The following SDK1 variants were observed in gnomAD, a reference collection of about 807,000 sequenced individuals.
SDK1 encodes the protein protein sidekick-1.
A neutral mutation model predicts 245.5 loss-of-function variants in SDK1; 157 were observed. The ratio of observed to expected loss-of-function variants is 0.64; its 90% CI spans 0.56 to 0.73. The LOEUF (loss-of-function observed/expected upper bound fraction) is 0.73. Among genes scored for constraint, SDK1 ranks in the 30% least tolerant of loss-of-function variants. The pLI is 0.00. For missense variants in SDK1, 3,583 were observed against 3,002.3 expected (o/e 1.19, Z -4.52); for synonymous variants, 1,647 against 1,278.5 (o/e 1.29, Z -6.15).
At chr7:4,000,947 G>T (rs1383016387) in intron 14 of SDK1, among the ~76,000 whole-genome samples, 1 of 152,192 alleles carries the variant, frequency 6.6e-6, no homozygotes, top group Non-Finnish European at 1.5e-5. Context: ...TGGGGGCCCA[G>T]AGGGGGCTGA....
chr7:3,550,581 C>G (rs918877073), intron 1 of SDK1, among the ~76,000 whole-genome samples: 7 of 152,170 alleles, frequency 4.6e-5, no homozygotes, highest in African/African-American at 1.7e-4. Context: ...ATCTTTGGTT[C>G]CTCTCCATCC....
Position 3,377,904 on chromosome 7 carries a change from G to A in SDK1, c.298+76020G>A, listed in dbSNP as rs193197902. The stretch of plus-strand genomic sequence containing the variant: ...AGCAATTCTCCTGCGTCAGCCTCCC[G>A]AGTAGCTGGGATTACAGGTGCACGC... On this transcript the variant is annotated intron_variant, in intron 1 of 44. Transcript: ENST00000404826. Among the ~76,000 whole-genome samples the A allele has an allele frequency of 2.7e-3, 403 of 152,072 alleles. 4 individuals carry two copies. Among genetic ancestry groups the A allele is most frequent in the Middle Eastern group, 0.02 (6 of 294 alleles).
intron 22 of SDK1, among the ~76,000 whole-genome samples, chr7:4,086,614 C>G (rs1002447445): frequency 3.9e-5 from 6 of 152,214 alleles, no homozygotes; most frequent in East Asian, 3.9e-4. Flanking sequence ...GACTCTGGCT[C>G]TTTCCTCCTC....
At chr7:3,394,045 C>A (rs1032609066) in intron 1 of SDK1, among the ~76,000 whole-genome samples, 4 of 152,126 alleles carry the variant, frequency 2.6e-5, no homozygotes, top group Non-Finnish European at 4.4e-5. Flanking sequence ...AGGGGGCACC[C>A]TAAGGCCAGT....
At chr7:4,128,641 T>C (rs1584228587) in intron 26 of SDK1, among the ~76,000 whole-genome samples, 1 of 128,970 alleles carries the variant, frequency 7.8e-6, no homozygotes, top group African/African-American at 3.0e-5. Flanking sequence ...TTGGGTGCCC[T>C]GGAATAGAGC....
At chr7:4,082,353 T>C (rs1320971918) in intron 22 of SDK1, among the ~76,000 whole-genome samples, 1 of 151,896 alleles carries the variant, frequency 6.6e-6, no homozygotes, top group East Asian at 1.9e-4. Flanking sequence ...CTGGCCAACA[T>C]GTGAAACCCC....
intron 17 of SDK1, among the ~76,000 whole-genome samples, chr7:4,032,351 A>T (rs1787881746): frequency 6.6e-6 from 1 of 152,222 alleles, no homozygotes; most frequent in Admixed American, 6.5e-5. Context: ...TTGATACGGT[A>T]AACTGTGCAT....
chr7:3,950,879 C>T (rs760045874), intron 5 of SDK1, 44 bp from the exon 6 acceptor site: 1 of 1,490,866 alleles, frequency 6.7e-7, no homozygotes, highest in Non-Finnish European at 9.2e-7. Context: ...GGGGGTGCTC[C>T]TGTACTTAGA....
intron 17 of SDK1, among the ~76,000 whole-genome samples, chr7:4,031,108 C>G (rs1202168978): frequency 1.3e-5 from 2 of 152,062 alleles, no homozygotes; most frequent in African/African-American, 4.8e-5. Flanking sequence ...TGCATGTGGA[C>G]ACGTATATAT....
chr7:4,139,695 G>GTTTGTT (rs1429964432), intron 28 of SDK1, among the ~76,000 whole-genome samples: 1 of 58,400 alleles, frequency 1.7e-5, no homozygotes, highest in African/African-American at 5.4e-5. Context: ...GTGTGTATGT[G>GTTTGTT]TGTGTGTGTA....
intron 1 of SDK1, among the ~76,000 whole-genome samples, chr7:3,370,956 C>G (rs1056198889): frequency 1.3e-5 from 2 of 152,076 alleles, no homozygotes; most frequent in African/African-American, 4.8e-5. Context: ...ACATGCAGCC[C>G]CGCAGCAGGA....
chr7:4,268,586 T>C lies in SDK1; in HGVS notation c.*3202T>C. The C allele has an allele frequency of 7.4e-7, 1 of 1,358,274 alleles. No homozygotes were observed. The highest frequency in any genetic ancestry group is 9.8e-7 in the Non-Finnish European group (1 of 1,016,622). The allele number at this position is 1,358,274 out of a possible 1,614,324, so 84.1% of individuals were successfully genotyped here. On this transcript the variant is annotated 3_prime_UTR_variant, in exon 45 of 45. Coordinates refer to ENST00000404826, the MANE Select transcript of SDK1 (RefSeq NM_152744.4). Reference sequence around the variant, plus strand: ...ACTCTGTACAGGTCTTCGGAGGCCGTGTTTGTATCTAACTGTGACTGGGCT... The same window carrying C: ...ACTCTGTACAGGTCTTCGGAGGCCGCGTTTGTATCTAACTGTGACTGGGCT...
chr7:3,923,405 C>A (rs1047454240), intron 5 of SDK1, among the ~76,000 whole-genome samples: 1 of 152,162 alleles, frequency 6.6e-6, no homozygotes, highest in Non-Finnish European at 1.5e-5. Flanking sequence ...TGTTACGGGG[C>A]TAAAGGAATT....
At chr7:3,431,286 A>G (rs1779837395) in intron 1 of SDK1, among the ~76,000 whole-genome samples, 1 of 151,586 alleles carries the variant, frequency 6.6e-6, no homozygotes, top group Admixed American at 6.6e-5. Context: ...GTACCCCCAG[A>G]TCATAAAGTG....
chr7:4,170,440 C>A (rs144088137), intron 32 of SDK1, among the ~76,000 whole-genome samples: 4,011 of 151,902 alleles, frequency 0.026, 76 homozygotes, highest in Middle Eastern at 0.048. Flanking sequence ...GGGTGAGATC[C>A]TGTCTCAAAA....
intron 4 of SDK1, among the ~76,000 whole-genome samples, chr7:3,812,920 A>G (rs535721076): frequency 2.6e-5 from 4 of 152,140 alleles, no homozygotes; most frequent in Non-Finnish European, 4.4e-5. Context: ...AAATCACGAG[A>G]AACAGGTTTC....
At chr7:3,834,004 C>T (rs1024868571) in intron 5 of SDK1, among the ~76,000 whole-genome samples, 1 of 152,194 alleles carries the variant, frequency 6.6e-6, no homozygotes, top group Non-Finnish European at 1.5e-5. Context: ...AATATCATCT[C>T]AACCTGGAAG....
At chr7:3,808,079 A>G in intron 4 of SDK1, among the ~76,000 whole-genome samples, 1 of 152,144 alleles carries the variant, frequency 6.6e-6, no homozygotes, top group Middle Eastern at 3.2e-3. Flanking sequence ...TCATCTCTGG[A>G]TCCAAACCTT....
chr7:3,917,435 TCCCCAA>T (rs2128111344), intron 5 of SDK1, among the ~76,000 whole-genome samples: 1 of 152,162 alleles, frequency 6.6e-6, no homozygotes, highest in South Asian at 2.1e-4. Flanking sequence ...TGTGACAGAT[TCCCCAA>T]GACACGGGCT....
Sources: gnomAD v4.1 joint callset for allele counts (sites outside exome capture counted in the v4.1 genomes callset) on GRCh38, gnomAD v4.1.1 for gene constraint, MANE v1.5 for transcripts, NCBI Gene and HGNC (gene_info 2026-07-23, HGNC 2026-07-21) for gene names.